The following LMNTD1 variants were observed in gnomAD, a reference collection of about 807,000 sequenced individuals.
The protein encoded by LMNTD1 is lamin tail domain-containing protein 1.
Under a neutral mutation model 50.9 loss-of-function variants are expected in LMNTD1, and 35 were observed. The observed-to-expected ratio is 0.69, with a 90% CI of 0.53 to 0.91. The LOEUF (loss-of-function observed/expected upper bound fraction) is 0.91. Among genes scored for constraint, LMNTD1 ranks in the 40% least tolerant of loss-of-function variants. LMNTD1 has a pLI of 0.00. For missense variants in LMNTD1, 470 were observed against 475.5 expected (o/e 0.99, Z 0.11); for synonymous variants, 153 against 161.9 (o/e 0.94, Z 0.42).
intron 9 of LMNTD1, among the ~76,000 whole-genome samples, chr12:25,496,423 G>A (rs2169990): frequency 0.7 from 105,706 of 151,978 alleles, 37,857 homozygotes; most frequent in Non-Finnish European, 0.79. Context: ...TGAACAAAAC[G>A]GAACAGTCTA....
intron 6 of LMNTD1, 64 bp from the exon 7 acceptor site, chr12:25,520,139 G>A (rs959337335): frequency 3.3e-5 from 5 of 152,426 alleles, no homozygotes; most frequent in Non-Finnish European, 6.6e-5. Context: ...GCTGTTATGA[G>A]ATATACATAT....
chr12:25,494,057 G>A (rs910050891), intron 9 of LMNTD1, among the ~76,000 whole-genome samples: 1 of 152,146 alleles, frequency 6.6e-6, no homozygotes, highest in Non-Finnish European at 1.5e-5. Flanking sequence ...AACCTATCCA[G>A]GAGGCTCCTT....
intron 9 of LMNTD1, among the ~76,000 whole-genome samples, chr12:25,489,878 T>C (rs1428808820): frequency 6.6e-6 from 1 of 152,228 alleles, no homozygotes. Flanking sequence ...GTTGTGGCTA[T>C]AAATTTATTG....
intron 1 of LMNTD1, among the ~76,000 whole-genome samples, chr12:25,616,534 G>A (rs936595863): frequency 1.3e-5 from 2 of 152,122 alleles, no homozygotes; most frequent in African/African-American, 4.8e-5. Context: ...GTTAAGGAGG[G>A]GGCAGAGTAG....
chr12:25,589,501 A>T (rs1042626013), intron 1 of LMNTD1, among the ~76,000 whole-genome samples: 2 of 152,164 alleles, frequency 1.3e-5, no homozygotes, highest in African/African-American at 4.8e-5. Context: ...TGACTTCAAG[A>T]CATAGTTAAT....
chr12:25,523,105 C>T (rs1164227628), intron 6 of LMNTD1, among the ~76,000 whole-genome samples: 3 of 152,064 alleles, frequency 2.0e-5, no homozygotes. Context: ...GCAATCTTGG[C>T]TCACTGCAAC....
At chr12:25,591,140 A>G (rs1945682830) in intron 1 of LMNTD1, among the ~76,000 whole-genome samples, 3 of 140,636 alleles carry the variant, frequency 2.1e-5, no homozygotes, top group Admixed American at 2.1e-4. Flanking sequence ...ATTTCAGGAC[A>G]TGGCTCTTGG....
chr12:25,505,786 GT>G (rs888462169), intron 8 of LMNTD1, among the ~76,000 whole-genome samples: 18 of 151,866 alleles, frequency 1.2e-4, no homozygotes, highest in Non-Finnish European at 2.4e-4. Flanking sequence ...TGGATAGTCA[GT>G]TTTTTTCATT....
upstream of LMNTD1, among the ~76,000 whole-genome samples, chr12:25,556,129 C>G (rs1486749416): frequency 6.6e-6 from 1 of 151,992 alleles, no homozygotes; most frequent in Non-Finnish European, 1.5e-5. Flanking sequence ...TGTGCCACCA[C>G]GCCCGGCCAA....
chr12:25,495,880 T>C (rs1281504546), intron 9 of LMNTD1, among the ~76,000 whole-genome samples: 1 of 152,176 alleles, frequency 6.6e-6, no homozygotes, highest in Non-Finnish European at 1.5e-5. Flanking sequence ...AAAGGTTATA[T>C]ACTTTCTAAG....
chr12:25,522,489 G>T (rs1332380074), intron 6 of LMNTD1, among the ~76,000 whole-genome samples: 1 of 152,186 alleles, frequency 6.6e-6, no homozygotes, highest in Non-Finnish European at 1.5e-5. Context: ...AGAGTTAGAA[G>T]ATATGGTTTT....
chr12:25,541,862 A>G (rs1452830149), intron 4 of LMNTD1, among the ~76,000 whole-genome samples: 3 of 147,140 alleles, frequency 2.0e-5, no homozygotes, highest in Admixed American at 1.4e-4. Context: ...AATGAACTCA[A>G]ACAAATTTAC....
At chr12:25,626,383 T>A (rs142932303) in intron 1 of LMNTD1, among the ~76,000 whole-genome samples, 8 of 152,246 alleles carry the variant, frequency 5.3e-5, no homozygotes, top group African/African-American at 1.4e-4. Flanking sequence ...TATATAATCC[T>A]TCAATAAAGA....
At chr12:25,522,248 C>T (rs186107842) in intron 6 of LMNTD1, among the ~76,000 whole-genome samples, 64 of 152,250 alleles carry the variant, frequency 4.2e-4, no homozygotes, top group Middle Eastern at 3.4e-3. Flanking sequence ...TTTTTAGTAG[C>T]TCAAACATAT....
At chr12:25,511,812 A>G (rs887843587) in intron 8 of LMNTD1, among the ~76,000 whole-genome samples, 1 of 152,164 alleles carries the variant, frequency 6.6e-6, no homozygotes, top group Non-Finnish European at 1.5e-5. Context: ...TTCTACTTAT[A>G]TTTCAGTCGG....
intron 9 of LMNTD1, among the ~76,000 whole-genome samples, chr12:25,500,675 A>G (rs1490965377): frequency 6.6e-6 from 1 of 152,056 alleles, no homozygotes; most frequent in Non-Finnish European, 1.5e-5. Flanking sequence ...TTTTTTTGAG[A>G]ATCCTCAGTA....
At chr12:25,622,202 C>T (rs964852035) in intron 1 of LMNTD1, among the ~76,000 whole-genome samples, 3 of 152,058 alleles carry the variant, frequency 2.0e-5, no homozygotes, top group South Asian at 2.1e-4. Flanking sequence ...GTTTGGGTTT[C>T]GAATATGCTT....
At chr12:25,512,900 C>T (rs1348451414) in intron 8 of LMNTD1, among the ~76,000 whole-genome samples, 1 of 151,840 alleles carries the variant, frequency 6.6e-6, no homozygotes, top group African/African-American at 2.4e-5. Flanking sequence ...TCTCATGACT[C>T]CCAAAACATC....
intron 1 of LMNTD1, among the ~76,000 whole-genome samples, chr12:25,629,767 G>A (rs1319664012): frequency 6.6e-6 from 1 of 152,086 alleles, no homozygotes; most frequent in African/African-American, 2.4e-5. Context: ...CATGATAGCA[G>A]TAAACAAAAT....
Sources: gnomAD v4.1 joint callset for allele counts (sites outside exome capture counted in the v4.1 genomes callset) on GRCh38, gnomAD v4.1.1 for gene constraint, MANE v1.5 for transcripts, NCBI Gene and HGNC (gene_info 2026-07-23, HGNC 2026-07-21) for gene names.